Variants in TRHDE observed in about 807,000 individuals in gnomAD.
TRHDE encodes thyrotropin-releasing hormone-degrading ectoenzyme.
TRHDE carries 72 observed loss-of-function variants against 125.7 expected under a neutral mutation model. That is an observed-to-expected ratio of 0.57 (90% CI 0.47 to 0.70). The LOEUF (loss-of-function observed/expected upper bound fraction) is 0.70. Ranked by LOEUF, TRHDE falls within the 30% of genes least tolerant of loss-of-function variation. The pLI is 0.00. For missense variants in TRHDE, 1,110 were observed against 1,327.1 expected (o/e 0.84, Z 2.54); for synonymous variants, 509 against 509.1 (o/e 1.00, Z 0.00).
chr12:72,433,064 T>C (rs576943111), intron 3 of TRHDE, among the ~76,000 whole-genome samples: 1 of 152,310 alleles, frequency 6.6e-6, no homozygotes, highest in South Asian at 2.1e-4. Context: ...GAGACGACCA[T>C]GTGAGTTTTG....
chr12:72,377,096 C>T (rs1871922543), intron 2 of TRHDE, among the ~76,000 whole-genome samples: 1 of 152,114 alleles, frequency 6.6e-6, no homozygotes, highest in Non-Finnish European at 1.5e-5. Flanking sequence ...ACTCCCAAGC[C>T]ACTGTGCTCT....
chr12:72,197,099 G>A (rs1226523848), intron 2 of TRHDE, among the ~76,000 whole-genome samples: 1 of 152,032 alleles, frequency 6.6e-6, no homozygotes, highest in Non-Finnish European at 1.5e-5. Context: ...TGGCACAAAT[G>A]ATCATTCTTT....
chr12:72,479,915 T>C (rs1447887624), intron 5 of TRHDE, among the ~76,000 whole-genome samples: 3 of 151,742 alleles, frequency 2.0e-5, no homozygotes, highest in Non-Finnish European at 4.4e-5. Flanking sequence ...ATGCGGTGTT[T>C]GGTTTTTTGT....
intron 2 of TRHDE, among the ~76,000 whole-genome samples, chr12:72,152,390 C>A (rs1036808489): frequency 6.6e-6 from 1 of 151,822 alleles, no homozygotes; most frequent in African/African-American, 2.4e-5. Context: ...CCCTTTATTT[C>A]CTTCTCCTGC....
intron 2 of TRHDE, among the ~76,000 whole-genome samples, chr12:72,312,323 A>C (rs1170612150): frequency 1.3e-5 from 2 of 152,166 alleles, no homozygotes; most frequent in Admixed American, 6.6e-5. Flanking sequence ...CAACTTTATG[A>C]TTATGTACAA....
intron 12 of TRHDE, among the ~76,000 whole-genome samples, chr12:72,605,934 T>C (rs1302001599): frequency 6.6e-6 from 1 of 152,228 alleles, no homozygotes; most frequent in Non-Finnish European, 1.5e-5. Context: ...CTTTTTTCCT[T>C]GGATACAATA....
chr12:72,442,754 T>A (rs1306162078), intron 3 of TRHDE, among the ~76,000 whole-genome samples: 1 of 151,830 alleles, frequency 6.6e-6, no homozygotes, highest in Non-Finnish European at 1.5e-5. Flanking sequence ...TGTGCTCCCA[T>A]GTAAGGAGTT....
chr12:72,388,480 T>C (rs1385376616), intron 3 of TRHDE, among the ~76,000 whole-genome samples: 3 of 152,192 alleles, frequency 2.0e-5, no homozygotes, highest in Non-Finnish European at 4.4e-5. Context: ...TGGCCCAAAG[T>C]GGCACTCAAT....
intron 2 of TRHDE, among the ~76,000 whole-genome samples, chr12:72,158,864 T>C (rs549753566): frequency 1.3e-5 from 2 of 152,348 alleles, no homozygotes; most frequent in African/African-American, 4.8e-5. Flanking sequence ...TGCTAACTTA[T>C]TCACCATTCC....
chr12:72,218,303 G>A (rs534192835), intron 2 of TRHDE, among the ~76,000 whole-genome samples: 13 of 152,202 alleles, frequency 8.5e-5, no homozygotes, highest in Admixed American at 7.9e-4. Flanking sequence ...GGCTATGTAT[G>A]ATTACCAGCT....
intron 2 of TRHDE, among the ~76,000 whole-genome samples, chr12:72,139,509 G>T (rs986516297): frequency 2.6e-5 from 4 of 152,092 alleles, no homozygotes; most frequent in Non-Finnish European, 4.4e-5. Flanking sequence ...AATCCTCCTC[G>T]GTGTTCATGT....
intron 2 of TRHDE, among the ~76,000 whole-genome samples, chr12:72,304,679 T>C (rs530569493): frequency 6.6e-6 from 1 of 152,152 alleles, no homozygotes; most frequent in East Asian, 1.9e-4. Flanking sequence ...TGACAGTGAG[T>C]TCCCCATAGC....
intron 2 of TRHDE, among the ~76,000 whole-genome samples, chr12:72,109,670 C>T (rs1386308381): frequency 1.3e-5 from 2 of 150,520 alleles, no homozygotes; most frequent in African/African-American, 2.4e-5. Flanking sequence ...AAAATACCTT[C>T]CCCCTCATTT....
Position 72,670,584 on chromosome 12 carries a change from T to C in TRHDE, c.*7389T>C, listed in dbSNP as rs1205851149. 1.3e-5 allele frequency: 2 copies of C among 151,690 alleles called. No individual in the cohort carries two copies. The highest frequency in any genetic ancestry group is 3.0e-5 in the Non-Finnish European group (2 of 67,794). The allele number at this position is 151,690 out of a possible 1,614,324, so 9.4% of individuals were successfully genotyped here. The stretch of plus-strand genomic sequence containing the variant: ...ATTTTTAAAATTTTGAGTATATATA[T>C]TATAGAGGTCCATGCAAATGGAAAA... On this transcript the variant is annotated 3_prime_UTR_variant, in exon 19 of 19. Coordinates refer to ENST00000261180, the MANE Select transcript of TRHDE (RefSeq NM_013381.3).
At chr12:72,454,003 G>A (rs1875714160) in intron 3 of TRHDE, among the ~76,000 whole-genome samples, 1 of 152,116 alleles carries the variant, frequency 6.6e-6, no homozygotes, top group Non-Finnish European at 1.5e-5. Flanking sequence ...TTCATTTTCA[G>A]TTTTGCACTA....
intron 15 of TRHDE, among the ~76,000 whole-genome samples, chr12:72,637,268 T>C (rs1289240142): frequency 6.6e-6 from 1 of 152,266 alleles, no homozygotes; most frequent in East Asian, 1.9e-4. Flanking sequence ...CCATTTCTTC[T>C]AGATTTTCTA....
At chr12:72,380,999 A>G (rs1381878671) in intron 3 of TRHDE, among the ~76,000 whole-genome samples, 7 of 152,092 alleles carry the variant, frequency 4.6e-5, no homozygotes, top group Admixed American at 6.6e-5. Flanking sequence ...TTCTGTGGCT[A>G]AACTGAGAAT....
chr12:72,577,663 A>G (rs1041327898), intron 12 of TRHDE, among the ~76,000 whole-genome samples: 11 of 152,324 alleles, frequency 7.2e-5, no homozygotes, highest in Admixed American at 1.3e-4. Flanking sequence ...CTGTTGACTC[A>G]TCTGCATTAA....
chr12:72,526,697 T>C (rs937428032), intron 6 of TRHDE, among the ~76,000 whole-genome samples: 1 of 152,154 alleles, frequency 6.6e-6, no homozygotes, highest in Non-Finnish European at 1.5e-5. Flanking sequence ...TACTTGGTTA[T>C]GTTTCAGCTG....
Sources: gnomAD v4.1 joint callset for allele counts (sites outside exome capture counted in the v4.1 genomes callset) on GRCh38, gnomAD v4.1.1 for gene constraint, MANE v1.5 for transcripts, NCBI Gene and HGNC (gene_info 2026-07-23, HGNC 2026-07-21) for gene names.